The following PANX1 variants were observed in gnomAD, a reference collection of about 807,000 sequenced individuals.
The protein encoded by PANX1 is pannexin-1.
In PANX1, 30 loss-of-function variants were observed where a neutral mutation model predicts 38.7. The ratio of observed to expected loss-of-function variants is 0.78; its 90% CI spans 0.58 to 1.05. PANX1 has a LOEUF of 1.05. Ranked by LOEUF, PANX1 falls within the 50% of genes least tolerant of loss-of-function variation. The probability of loss-of-function intolerance (pLI) is 0.00; values close to 1 mark genes in which losing one functional copy is unlikely to be tolerated. For synonymous variants in PANX1, 230 were observed against 212.2 expected (o/e 1.08, Z -0.73); for missense variants, 551 against 517.2 (o/e 1.07, Z -0.63).
intron 1 of PANX1, among the ~76,000 whole-genome samples, chr11:94,149,086 A>G (rs1341839996): frequency 6.6e-6 from 1 of 152,188 alleles, no homozygotes; most frequent in East Asian, 1.9e-4. Context: ...GCCTAGGAGC[A>G]GGATCTAACC....
chr11:94,178,250 GC>G, intron 2 of PANX1, 118 bp from the exon 3 acceptor site: 1 of 747,162 alleles, frequency 1.3e-6, no homozygotes, highest in Non-Finnish European at 2.3e-6. Flanking sequence ...TAGGTAATGA[GC>G]CCAATTTCCA....
intron 2 of PANX1, among the ~76,000 whole-genome samples, chr11:94,159,003 T>C (rs913053175): frequency 6.6e-6 from 1 of 152,254 alleles, no homozygotes; most frequent in Non-Finnish European, 1.5e-5. Flanking sequence ...TCTGTTGAGA[T>C]AATCATACGG....
intron 1 of PANX1, among the ~76,000 whole-genome samples, chr11:94,134,605 C>T (rs558993223): frequency 2.0e-5 from 3 of 151,854 alleles, no homozygotes; most frequent in African/African-American, 7.2e-5. Context: ...GATGGGATGC[C>T]CTTAGAAAAA....
chr11:94,166,107 T>C (rs1255824530), intron 2 of PANX1, among the ~76,000 whole-genome samples: 1 of 152,184 alleles, frequency 6.6e-6, no homozygotes, highest in African/African-American at 2.4e-5. Flanking sequence ...CTTTTTATAT[T>C]GTGTATCTCC....
chr11:94,139,055 G>A (rs1291243683), intron 1 of PANX1, among the ~76,000 whole-genome samples: 19 of 152,104 alleles, frequency 1.2e-4, no homozygotes, highest in Admixed American at 9.2e-4. Context: ...GAACCCGTTC[G>A]TTATTCATTG....
intron 1 of PANX1, among the ~76,000 whole-genome samples, chr11:94,143,347 T>G (rs1946786933): frequency 6.6e-6 from 1 of 152,208 alleles, no homozygotes; most frequent in Admixed American, 6.5e-5. Flanking sequence ...ATAAGACAGA[T>G]GGGTAAACAA....
At chr11:94,131,040 A>G (rs187600167) in intron 1 of PANX1, among the ~76,000 whole-genome samples, 2 of 152,246 alleles carry the variant, frequency 1.3e-5, no homozygotes, top group Non-Finnish European at 2.9e-5. Flanking sequence ...CAAAACCACC[A>G]AGTAGCATGA....
At chr11:94,174,981 G>A (rs1409212202) in intron 2 of PANX1, among the ~76,000 whole-genome samples, 2 of 151,640 alleles carry the variant, frequency 1.3e-5, no homozygotes. Flanking sequence ...AATGATTTGA[G>A]AAGTTTCCCT....
At chr11:94,178,618 A>G (rs757897456) in intron 3 of PANX1, 26 bp downstream of exon 3, 2 of 1,576,592 alleles carry the variant, frequency 1.3e-6, no homozygotes, top group South Asian at 2.2e-5. Context: ...CAGGCAGCTC[A>G]TCGGGTTTTG....
chr11:94,144,036 C>T (rs1434817359), intron 1 of PANX1, among the ~76,000 whole-genome samples: 2 of 152,118 alleles, frequency 1.3e-5, no homozygotes, highest in African/African-American at 4.8e-5. Flanking sequence ...GTGCCCAGTC[C>T]CCCTCACCCA....
chr11:94,157,026 C>T (rs1244888373), intron 2 of PANX1, among the ~76,000 whole-genome samples: 2 of 152,156 alleles, frequency 1.3e-5, no homozygotes, highest in East Asian at 3.9e-4. Context: ...TGGTTTCCAG[C>T]TTCATCCATG....
rs755409007 is a variant in PANX1, at chr11:94,153,577, CAGA to C, written c.273_275del (p.Lys91del). 33 of 1,614,070 alleles carry C rather than the reference CAGA, an allele frequency of 2.0e-5. No individual in the cohort carries two copies. Among genetic ancestry groups the C allele is most frequent in the Non-Finnish European group, 2.5e-5 (29 of 1,179,960 alleles). On this transcript the variant is annotated inframe_deletion, in exon 2 of 5. Coordinates refer to ENST00000227638, the MANE Select transcript of PANX1 (RefSeq NM_015368.4). ...TTCATATTGCTGGGCGGCTGTTCAG[CAGA>C]AGAACTCACTGCAGAGCGAGTCTGG...
rs967468678 is a variant in PANX1 at position 94,168,767 on chromosome 11, C to A, written c.322-9602C>A. On this transcript the variant is annotated intron_variant, in intron 2 of 4. Coordinates refer to ENST00000227638, the MANE Select transcript of PANX1 (RefSeq NM_015368.4). Reference sequence around the variant, plus strand: ...GGCTCAGGGGCAGCAGTTTGCTGATCCTTGGTCTAGAGTGACAGCAGTTGA... The same window carrying A: ...GGCTCAGGGGCAGCAGTTTGCTGATACTTGGTCTAGAGTGACAGCAGTTGA... Among the ~76,000 whole-genome samples the A allele has an allele frequency of 2.6e-5, 4 of 151,558 alleles. No homozygotes were observed. The East Asian group carries it at 5.8e-4, about 22-fold the overall frequency.
chr11:94,155,562 T>C (rs1281616597), intron 2 of PANX1, among the ~76,000 whole-genome samples: 2 of 152,064 alleles, frequency 1.3e-5, no homozygotes, highest in Non-Finnish European at 2.9e-5. Flanking sequence ...AACGCGCAAT[T>C]ACTTTTGCTC....
intron 1 of PANX1, among the ~76,000 whole-genome samples, chr11:94,129,868 A>G (rs1368248380): frequency 6.6e-6 from 1 of 152,166 alleles, no homozygotes; most frequent in Non-Finnish European, 1.5e-5. Flanking sequence ...ATTTTACACC[A>G]GAGAAGTTCC....
chr11:94,142,455 A>AG (rs1440886972), intron 1 of PANX1, among the ~76,000 whole-genome samples: 2 of 152,140 alleles, frequency 1.3e-5, no homozygotes, highest in African/African-American at 4.8e-5. Flanking sequence ...ATCTGACCCC[A>AG]GCTTGACTGT....
At chr11:94,149,115 A>T (rs1946856959) in intron 1 of PANX1, among the ~76,000 whole-genome samples, 1 of 152,186 alleles carries the variant, frequency 6.6e-6, no homozygotes, top group African/African-American at 2.4e-5. Context: ...TTAATGCATG[A>T]GAATGAAAGA....
At chr11:94,161,276 T>C (rs11607030) in intron 2 of PANX1, among the ~76,000 whole-genome samples, 72,348 of 152,064 alleles carry the variant, frequency 0.48, 17,451 homozygotes, top group Admixed American at 0.58. Context: ...TGGCCTGACT[T>C]GCTAGATTGG....
At chr11:94,138,473 C>T (rs569099757) in intron 1 of PANX1, among the ~76,000 whole-genome samples, 1 of 151,882 alleles carries the variant, frequency 6.6e-6, no homozygotes, top group South Asian at 2.1e-4. Flanking sequence ...TGTCCGTTTC[C>T]TTTGAATTCT....
Sources: gnomAD v4.1 joint callset for allele counts (sites outside exome capture counted in the v4.1 genomes callset) on GRCh38, gnomAD v4.1.1 for gene constraint, MANE v1.5 for transcripts, NCBI Gene and HGNC (gene_info 2026-07-23, HGNC 2026-07-21) for gene names.